The following FNDC1 variants were observed in gnomAD, a reference collection of about 807,000 sequenced individuals.
FNDC1 encodes fibronectin type III domain-containing protein 1.
FNDC1 carries 96 observed loss-of-function variants against 168.0 expected under a neutral mutation model. The observed-to-expected ratio is 0.57, with a 90% CI of 0.48 to 0.68. FNDC1 has a LOEUF of 0.68. Among genes scored for constraint, FNDC1 ranks in the 30% least tolerant of loss-of-function variants. The probability of loss-of-function intolerance (pLI) is 0.00; values close to 1 mark genes in which losing one functional copy is unlikely to be tolerated. For synonymous variants in FNDC1, 1,099 were observed against 1,025.9 expected, an observed-to-expected ratio of 1.07 and a Z score of -1.36; for missense variants, 2,587 against 2,482.1, an observed-to-expected ratio of 1.04 and a Z score of -0.90.
intron 9 of FNDC1, among the ~76,000 whole-genome samples, chr6:159,228,125 C>G (rs960712005): frequency 1.3e-5 from 2 of 152,176 alleles, no homozygotes; most frequent in African/African-American, 2.4e-5. Flanking sequence ...TACTTATGTA[C>G]TCTTCCTCTC....
At position 159,234,237 on chromosome 6, in the gene FNDC1, G is replaced by C. The variant is rs1316009424; in HGVS notation, c.3725G>C (p.Arg1242Pro). 3 of 1,591,730 alleles carry C rather than the reference G, an allele frequency of 1.9e-6. No individual in the cohort carries two copies. Among genetic ancestry groups the C allele is most frequent in the Non-Finnish European group, 8.6e-7 (1 of 1,169,196 alleles). ...PRGGSLAPVK[R>P]PLPPPPGSSP... ...GGAGGGAGCCTGGCTCCTGTGAAGC[G>C]ACCTCTCCCCCCACCTCCAGGCAGC... is the stretch of plus-strand genomic sequence containing the variant. Residue 1242 changes from arginine to proline, a missense_variant, in exon 11 of 23, where the codon CGA (arginine) becomes CCA (proline). Physicochemically the swap from Arg to Pro is moderately radical, Grantham distance 103. Transcript: ENST00000297267.
At chr6:159,195,715 A>G (rs1453887711) in intron 1 of FNDC1, among the ~76,000 whole-genome samples, 2 of 152,244 alleles carry the variant, frequency 1.3e-5, no homozygotes, top group Non-Finnish European at 2.9e-5. Context: ...TGTCAGTAAT[A>G]AAAGTAAATC....
intron 15 of FNDC1, among the ~76,000 whole-genome samples, chr6:159,247,994 C>T (rs1562307664): frequency 6.6e-6 from 1 of 152,178 alleles, no homozygotes; most frequent in Non-Finnish European, 1.5e-5. Context: ...TTATTCATAG[C>T]TCTAATTGTC....
intron 19 of FNDC1, 144 bp downstream of exon 19, chr6:159,261,413 T>C (rs761252756): frequency 4.3e-5 from 26 of 603,006 alleles, no homozygotes; most frequent in Non-Finnish European, 6.7e-5. Context: ...GTAAACATCA[T>C]TTGCTTTGTG....
At chr6:159,223,154 C>A (rs1782870703) in intron 6 of FNDC1, among the ~76,000 whole-genome samples, 1 of 151,952 alleles carries the variant, frequency 6.6e-6, no homozygotes, top group Non-Finnish European at 1.5e-5. Context: ...CGCCACCACA[C>A]CCAGCTAATT....
intron 14 of FNDC1, among the ~76,000 whole-genome samples, chr6:159,245,683 C>G (rs1428845462): frequency 6.6e-6 from 1 of 152,092 alleles, no homozygotes; most frequent in Non-Finnish European, 1.5e-5. Context: ...AATCACTCAC[C>G]TTTCTTAAAT....
chr6:159,177,048 G>A (rs1781775672), intron 1 of FNDC1, among the ~76,000 whole-genome samples: 1 of 152,146 alleles, frequency 6.6e-6, no homozygotes. Flanking sequence ...GGGCAGTCTG[G>A]TAGGATTGAT....
chr6:159,214,533 AG>A (rs1383799876), intron 4 of FNDC1, among the ~76,000 whole-genome samples: 1 of 152,224 alleles, frequency 6.6e-6, no homozygotes, highest in Admixed American at 6.5e-5. Context: ...ACAGTGAAAA[AG>A]CTTTCTGGAG....
chr6:159,208,758 T>G (rs1467726188), intron 4 of FNDC1, among the ~76,000 whole-genome samples: 3 of 152,000 alleles, frequency 2.0e-5, no homozygotes, highest in African/African-American at 7.3e-5. Context: ...GTGACACAAC[T>G]AAGATTCCAT....
At position 159,234,068 on chromosome 6, in the gene FNDC1, G is replaced by A; in HGVS notation, c.3556G>A (p.Gly1186Arg). The A allele has an allele frequency of 1.2e-6, 2 of 1,612,652 alleles. No homozygotes were observed. Among genetic ancestry groups the A allele is most frequent in the Non-Finnish European group, 1.7e-6 (2 of 1,179,468 alleles). The change falls in exon 11 of 23, where the codon GGA becomes AGA. Residue 1186 changes from glycine (G) to arginine (R), a missense_variant. Physicochemically the swap from Gly to Arg is moderately radical, Grantham distance 125. Coordinates refer to ENST00000297267, the MANE Select transcript of FNDC1 (RefSeq NM_032532.3). ...SAEDDEEEDA[G>R]FFKGGKEDLL... is the part of the protein sequence containing the mutation. ...CGAGGACGACGAGGAGGAGGACGCGGGATTTTTTAAAGGCGGGAAAGAAGA... is the reference window on the plus strand; with the variant it reads ...CGAGGACGACGAGGAGGAGGACGCGAGATTTTTTAAAGGCGGGAAAGAAGA...
At chr6:159,204,614 G>T (rs294919) in intron 4 of FNDC1, among the ~76,000 whole-genome samples, 66,960 of 151,976 alleles carry the variant, frequency 0.44, 15,831 homozygotes, top group East Asian at 0.66. Context: ...TCATTTCAGC[G>T]GCCTCACTGC....
chr6:159,251,759 C>T (rs1777271567), intron 17 of FNDC1, among the ~76,000 whole-genome samples: 1 of 152,176 alleles, frequency 6.6e-6, no homozygotes, highest in Non-Finnish European at 1.5e-5. Context: ...GTCAGAAGTC[C>T]TAAATCCGCG....
At chr6:159,193,187 T>A (rs1345926647) in intron 1 of FNDC1, among the ~76,000 whole-genome samples, 1 of 152,160 alleles carries the variant, frequency 6.6e-6, no homozygotes, top group Non-Finnish European at 1.5e-5. Flanking sequence ...AATACACAAT[T>A]GGGAGTTTTC....
At chr6:159,226,934 G>A (rs891571592) in intron 9 of FNDC1, among the ~76,000 whole-genome samples, 7 of 152,126 alleles carry the variant, frequency 4.6e-5, no homozygotes, top group African/African-American at 1.7e-4. Context: ...GTGTCAGCAG[G>A]AATCCTGCAG....
At chr6:159,235,221 C>T (rs1297475570) in intron 11 of FNDC1, among the ~76,000 whole-genome samples, 1 of 152,174 alleles carries the variant, frequency 6.6e-6, no homozygotes, top group Non-Finnish European at 1.5e-5. Context: ...AGGGCAGGGT[C>T]CGAGGCATTT....
intron 1 of FNDC1, among the ~76,000 whole-genome samples, chr6:159,174,756 G>A (rs1355069927): frequency 2.0e-5 from 3 of 152,220 alleles, no homozygotes; most frequent in African/African-American, 4.8e-5. Flanking sequence ...TCAGAAGCCC[G>A]CTGGCTGTTG....
At chr6:159,237,198 A>G (rs1024479356) in intron 12 of FNDC1, among the ~76,000 whole-genome samples, 2 of 152,238 alleles carry the variant, frequency 1.3e-5, no homozygotes, top group African/African-American at 2.4e-5. Context: ...CATGGGGTAG[A>G]TTTCAAAATA....
At chr6:159,269,511 C>CATCCATCCATCT (rs1554229951) in intron 22 of FNDC1, among the ~76,000 whole-genome samples, 10 of 107,754 alleles carry the variant, frequency 9.3e-5, no homozygotes, top group Non-Finnish European at 1.2e-4. Flanking sequence ...TCCATCCATC[C>CATCCATCCATCT]ATGCATCCAT....
intron 6 of FNDC1, 54 bp downstream of exon 6, chr6:159,221,750 T>C: frequency 7.6e-7 from 1 of 1,322,306 alleles, no homozygotes; most frequent in Non-Finnish European, 1.1e-6. Flanking sequence ...GAATGCTATG[T>C]TGTTTCCAAA....
Sources: gnomAD v4.1 joint callset for allele counts (sites outside exome capture counted in the v4.1 genomes callset) on GRCh38, gnomAD v4.1.1 for gene constraint, MANE v1.5 for transcripts, NCBI Gene and HGNC (gene_info 2026-07-23, HGNC 2026-07-21) for gene names.